ELP4: variants seen among roughly 807,000 people sequenced by gnomAD.
ELP4 encodes the protein elongator acetyltransferase complex subunit 4.
A neutral mutation model predicts 48.9 loss-of-function variants in ELP4; 51 were observed. The ratio of observed to expected loss-of-function variants is 1.04; its 90% CI spans 0.83 to 1.32. The LOEUF is 1.32. ELP4 is among the 40% of genes most tolerant of loss of function. The pLI is 0.00. For synonymous variants in ELP4, 210 were observed against 189.2 expected (o/e 1.11, Z -0.90); for missense variants, 519 against 514.6 (o/e 1.01, Z -0.08).
intron 9 of ELP4, among the ~76,000 whole-genome samples, chr11:31,721,190 G>A (rs1247778566): frequency 6.6e-6 from 1 of 152,158 alleles, no homozygotes. Flanking sequence ...TTTTGAGCTA[G>A]TATGAAGTCA....
At chr11:31,763,919 C>T (rs972630765) in intron 9 of ELP4, among the ~76,000 whole-genome samples, 2 of 151,890 alleles carry the variant, frequency 1.3e-5, no homozygotes, top group African/African-American at 4.8e-5. Flanking sequence ...TGGAAGATTG[C>T]ATTATTATTT....
chr11:31,533,960 CGA>C, intron 2 of ELP4, among the ~76,000 whole-genome samples: 2 of 152,092 alleles, frequency 1.3e-5, no homozygotes, highest in Middle Eastern at 3.4e-3. Context: ...CACAGCCTCC[CGA>C]GTAGCTGGGA....
At chr11:31,670,778 A>G (rs899905890) in intron 9 of ELP4, among the ~76,000 whole-genome samples, 4 of 152,044 alleles carry the variant, frequency 2.6e-5, no homozygotes, top group African/African-American at 7.2e-5. Flanking sequence ...ATTTTTTAGA[A>G]AAGTATAATT....
At chr11:31,538,702 AT>A (rs1163435715) in intron 2 of ELP4, among the ~76,000 whole-genome samples, 1 of 151,810 alleles carries the variant, frequency 6.6e-6, no homozygotes, top group African/African-American at 2.4e-5. Flanking sequence ...ATAAATGTAT[AT>A]TCTATTACCA....
intron 2 of ELP4, among the ~76,000 whole-genome samples, chr11:31,523,184 T>A (rs1435717093): frequency 6.6e-6 from 1 of 152,140 alleles, no homozygotes; most frequent in Non-Finnish European, 1.5e-5. Context: ...AGTTCTCTAC[T>A]TTTCTTCATT....
intron 5 of ELP4, among the ~76,000 whole-genome samples, chr11:31,617,569 T>C (rs1362753543): frequency 2.0e-5 from 3 of 152,004 alleles, no homozygotes; most frequent in Admixed American, 6.6e-5. Flanking sequence ...GTAAATTTTA[T>C]GTTATATGGG....
intron 9 of ELP4, among the ~76,000 whole-genome samples, chr11:31,782,320 C>A (rs1367678957): frequency 6.6e-6 from 1 of 151,946 alleles, no homozygotes; most frequent in East Asian, 1.9e-4. Flanking sequence ...ATCTGTTTTT[C>A]CCCCCCATAT....
At chr11:31,734,626 G>A (rs1947263433) in intron 9 of ELP4, among the ~76,000 whole-genome samples, 2 of 152,062 alleles carry the variant, frequency 1.3e-5, no homozygotes, top group African/African-American at 2.4e-5. Flanking sequence ...GCATAAACAT[G>A]AATAAAATAC....
chr11:31,566,344 C>T (rs1234791062), intron 3 of ELP4, among the ~76,000 whole-genome samples: 1 of 150,884 alleles, frequency 6.6e-6, no homozygotes, highest in East Asian at 1.9e-4. Context: ...GGCGTCAGAG[C>T]GAGACTGCAT....
At chr11:31,647,528 A>G (rs967387924) in intron 7 of ELP4, 1 of 390,260 alleles carries the variant, frequency 2.6e-6, no homozygotes, top group Non-Finnish European at 4.6e-6. Flanking sequence ...AGTTCTTCAA[A>G]TTAGAATAGC....
intron 9 of ELP4, among the ~76,000 whole-genome samples, chr11:31,699,954 C>T (rs1053820086): frequency 6.6e-6 from 1 of 152,058 alleles, no homozygotes; most frequent in African/African-American, 2.4e-5. Flanking sequence ...CCTGGAGAGA[C>T]TGAGAATATG....
chr11:31,592,126 G>C (rs1265442766), intron 3 of ELP4, among the ~76,000 whole-genome samples: 1 of 152,128 alleles, frequency 6.6e-6, no homozygotes, highest in African/African-American at 2.4e-5. Context: ...TGGGTGTGCA[G>C]TTTTTTGGGG....
At chr11:31,651,419 T>C (rs1945316193) in intron 9 of ELP4, 1 of 151,694 alleles carries the variant, frequency 6.6e-6, no homozygotes, top group Admixed American at 6.6e-5. Context: ...GTGTTAGAAG[T>C]TTCTCATCTG....
At chr11:31,546,106 A>G (rs1956707102) in intron 3 of ELP4, among the ~76,000 whole-genome samples, 1 of 152,130 alleles carries the variant, frequency 6.6e-6, no homozygotes, top group African/African-American at 2.4e-5. Context: ...CTAACATTAT[A>G]ATGACAGGTT....
At chr11:31,582,182 C>T (rs1957403597) in intron 3 of ELP4, among the ~76,000 whole-genome samples, 1 of 152,146 alleles carries the variant, frequency 6.6e-6, no homozygotes. Context: ...GTTAATTAAC[C>T]TTTGTGTTTC....
In ELP4 at chr11:31,632,201, TCCCAC is replaced by T. The variant is rs1375125357; in HGVS notation, c.739-15_739-11del. 1 of 1,593,190 alleles carries T rather than the reference TCCCAC, an allele frequency of 6.3e-7. No individual in the cohort carries two copies. Among genetic ancestry groups the T allele is most frequent in the African/African-American group, 1.4e-5 (1 of 73,726 alleles). Reference sequence around the variant, plus strand: ...ACAAAACTTTATATGTTTGCTTTTTTCCCACTTTCTTTTAGAAAAAACAGAGAAAC... The same window carrying T: ...ACAAAACTTTATATGTTTGCTTTTTTTTTCTTTTAGAAAAAACAGAGAAAC... On this transcript the variant is annotated splice_polypyrimidine_tract_variant and intron_variant, in intron 6 of 9. Coordinates refer to ENST00000640961, the MANE Select transcript of ELP4 (RefSeq NM_019040.5).
intron 1 of ELP4, chr11:31,510,379 G>A (rs1246936914): frequency 2.3e-6 from 1 of 428,044 alleles, no homozygotes; most frequent in Non-Finnish European, 4.2e-6. Flanking sequence ...GGCAGCTCAC[G>A]GTTTAGACCA....
In ELP4 at chr11:31,576,501, C is replaced by T. The variant is rs143198340; in HGVS notation, c.382-18269C>T. Among the ~76,000 whole-genome samples the T allele has an allele frequency of 6.8e-3, 1,034 of 152,264 alleles. 13 individuals carry two copies. The highest frequency in any genetic ancestry group is 0.024 in the African/African-American group (983 of 41,536). On this transcript the variant is annotated intron_variant, in intron 3 of 9. Coordinates refer to ENST00000640961, the MANE Select transcript of ELP4 (RefSeq NM_019040.5). ...AACAGAATATACATTCTTCTCAGCA[C>T]GACATCACACTTATTCCTAAATTGA...
intron 9 of ELP4, among the ~76,000 whole-genome samples, chr11:31,702,716 G>A (rs564781894): frequency 6.6e-6 from 1 of 151,994 alleles, no homozygotes; most frequent in Admixed American, 6.6e-5. Flanking sequence ...ACTGTGTTAG[G>A]TGTACATTCT....
Sources: allele counts gnomAD v4.1 joint callset (sites outside exome capture counted in the v4.1 genomes callset), GRCh38; gene constraint gnomAD v4.1.1; transcripts MANE v1.5; gene names NCBI Gene and HGNC (gene_info 2026-07-23, HGNC 2026-07-21).